The following SGK3 variants were observed in gnomAD, a reference collection of about 807,000 sequenced individuals.
SGK3 encodes serine/threonine-protein kinase Sgk3.
Under a neutral mutation model 68.5 loss-of-function variants are expected in SGK3, and 47 were observed. That is an observed-to-expected ratio of 0.69 (90% CI 0.54 to 0.87). The LOEUF (loss-of-function observed/expected upper bound fraction) is 0.87, where lower values mean the gene tolerates loss of function less well. Among genes scored for constraint, SGK3 ranks in the 40% least tolerant of loss-of-function variants. The probability of loss-of-function intolerance (pLI) is 0.00; values close to 1 mark genes in which losing one functional copy is unlikely to be tolerated. For missense variants in SGK3, 479 were observed against 575.5 expected, an observed-to-expected ratio of 0.83 and a Z score of 1.72; for synonymous variants, 181 against 189.1, an observed-to-expected ratio of 0.96 and a Z score of 0.35.
At chr8:66,824,050 A>G (rs901621306) in intron 6 of SGK3, among the ~76,000 whole-genome samples, 10 of 152,164 alleles carry the variant, frequency 6.6e-5, no homozygotes, top group Non-Finnish European at 8.8e-5. Context: ...TAAAACCTTC[A>G]TTTTGAAAAA....
chr8:66,770,243 C>T (rs545815970), intron 1 of SGK3, among the ~76,000 whole-genome samples: 7 of 152,282 alleles, frequency 4.6e-5, no homozygotes, highest in South Asian at 4.1e-4. Context: ...CGTGAGCCAC[C>T]GTGCCCGGCC....
chr8:66,730,549 G>A (rs1293191500), intron 1 of SGK3, among the ~76,000 whole-genome samples: 2 of 152,034 alleles, frequency 1.3e-5, no homozygotes, highest in African/African-American at 4.8e-5. Flanking sequence ...TTACTCCTAT[G>A]CTGTCTTCTA....
At chr8:66,735,607 T>A (rs982631137) in intron 1 of SGK3, among the ~76,000 whole-genome samples, 8 of 151,366 alleles carry the variant, frequency 5.3e-5, no homozygotes, top group African/African-American at 1.2e-4. Context: ...AGCCCTTTTT[T>A]AATAGACAGT....
chr8:66,741,008 C>T (rs986584768), intron 1 of SGK3, among the ~76,000 whole-genome samples: 3 of 151,872 alleles, frequency 2.0e-5, no homozygotes, highest in Non-Finnish European at 4.4e-5. Flanking sequence ...CTTCTTAAAG[C>T]CCTGTTTTAA....
At chr8:66,842,811 G>C (rs756076174) in intron 13 of SGK3, among the ~76,000 whole-genome samples, 1 of 152,194 alleles carries the variant, frequency 6.6e-6, no homozygotes, top group Non-Finnish European at 1.5e-5. Flanking sequence ...GCTCATGCCA[G>C]TAATCCCAGC....
intron 1 of SGK3, among the ~76,000 whole-genome samples, chr8:66,716,653 G>A (rs1804641901): frequency 6.6e-6 from 1 of 152,146 alleles, no homozygotes; most frequent in African/African-American, 2.4e-5. Flanking sequence ...GGAAAATGGA[G>A]ATGTGTGTGA....
At chr8:66,753,067 G>T (rs1805870773) in intron 1 of SGK3, among the ~76,000 whole-genome samples, 1 of 152,136 alleles carries the variant, frequency 6.6e-6, no homozygotes, top group African/African-American at 2.4e-5. Context: ...AGGTGAAAAA[G>T]CTCTGAATAT....
intron 6 of SGK3, among the ~76,000 whole-genome samples, chr8:66,827,318 G>A (rs1216565705): frequency 6.7e-6 from 1 of 149,694 alleles, no homozygotes; most frequent in Non-Finnish European, 1.5e-5. Flanking sequence ...GGAGGTGGAG[G>A]TTGCAGTGAG....
chr8:66,808,310 A>T (rs1808244813), intron 4 of SGK3, among the ~76,000 whole-genome samples: 1 of 152,220 alleles, frequency 6.6e-6, no homozygotes, highest in South Asian at 2.1e-4. Flanking sequence ...ACTTTAAAAC[A>T]TGGGATTTTG....
intron 15 of SGK3, among the ~76,000 whole-genome samples, chr8:66,848,330 C>A (rs1033964474): frequency 6.6e-6 from 1 of 152,132 alleles, no homozygotes; most frequent in South Asian, 2.1e-4. Context: ...GCACTGTGAA[C>A]CTCGTCTGTG....
At chr8:66,718,602 C>T (rs928052897) in intron 1 of SGK3, among the ~76,000 whole-genome samples, 1 of 151,954 alleles carries the variant, frequency 6.6e-6, no homozygotes, top group Non-Finnish European at 1.5e-5. Context: ...GATTTTGGCT[C>T]ACTGCAACCT....
intron 2 of SGK3, among the ~76,000 whole-genome samples, chr8:66,795,512 T>C (rs1807644698): frequency 6.6e-6 from 1 of 152,232 alleles, no homozygotes; most frequent in Admixed American, 6.5e-5. Context: ...TATTTTTGCC[T>C]TTGGGCCATT....
At chr8:66,793,406 T>C (rs960839020) in intron 1 of SGK3, among the ~76,000 whole-genome samples, 3 of 152,160 alleles carry the variant, frequency 2.0e-5, no homozygotes, top group South Asian at 4.1e-4. Context: ...TCCTAGAATT[T>C]CCTAATAGTA....
At chr8:66,754,918 C>T (rs1042371386) in intron 1 of SGK3, among the ~76,000 whole-genome samples, 5 of 152,186 alleles carry the variant, frequency 3.3e-5, no homozygotes, top group Non-Finnish European at 7.3e-5. Context: ...TTTAGGGTAA[C>T]TAGGCAGCAC....
rs188883398 is a variant in SGK3, at chr8:66,840,126, A to T, written c.854+11A>T. The T allele has an allele frequency of 1.3e-3, 2,168 of 1,608,330 alleles. 49 individuals carry two copies. In the Admixed American group the frequency reaches 0.032, roughly 24 times the overall value. On this transcript the variant is annotated intron_variant, in intron 11 of 16. Transcript: ENST00000521198. ...CAAAATAGTATACAGGTACAATTTTAAAATATACTTGTAAAAATTGTATAT... is the reference window on the plus strand; with the variant it reads ...CAAAATAGTATACAGGTACAATTTTTAAATATACTTGTAAAAATTGTATAT...
intron 8 of SGK3, 33 bp from the exon 9 acceptor site, chr8:66,835,730 C>G (rs1433661324): frequency 6.3e-7 from 1 of 1,577,700 alleles, no homozygotes; most frequent in Admixed American, 2.0e-5. Context: ...TTTGAAATTT[C>G]TAATAGTATA....
intron 14 of SGK3, among the ~76,000 whole-genome samples, 175 bp from the exon 15 acceptor site, chr8:66,847,018 T>C (rs1810054985): frequency 6.6e-6 from 1 of 152,228 alleles, no homozygotes. Context: ...AGCTCTGTGA[T>C]GTGTTCGGTT....
chr8:66,730,341 T>G (rs1181357359), intron 1 of SGK3, among the ~76,000 whole-genome samples: 1 of 152,214 alleles, frequency 6.6e-6, no homozygotes, highest in Non-Finnish European at 1.5e-5. Flanking sequence ...ATTTACATAT[T>G]CTGAATATAT....
chr8:66,769,035 A>G (rs1028871741), intron 1 of SGK3, among the ~76,000 whole-genome samples: 1 of 151,980 alleles, frequency 6.6e-6, no homozygotes, highest in Non-Finnish European at 1.5e-5. Context: ...CTAGTGTTTC[A>G]ATTCATTGCA....
Sources: allele counts gnomAD v4.1 joint callset (sites outside exome capture counted in the v4.1 genomes callset), GRCh38; gene constraint gnomAD v4.1.1; transcripts MANE v1.5; gene names NCBI Gene and HGNC (gene_info 2026-07-23, HGNC 2026-07-21).